The following ANKRD18A variants were observed in gnomAD, a reference collection of about 807,000 sequenced individuals.
The protein encoded by ANKRD18A is ankyrin repeat domain 18A.
A neutral mutation model predicts 110.6 loss-of-function variants in ANKRD18A; 72 were observed. That is an observed-to-expected ratio of 0.65 (90% confidence interval 0.54 to 0.79). The LOEUF (loss-of-function observed/expected upper bound fraction) is 0.79. Among genes scored for constraint, ANKRD18A ranks in the 30% least tolerant of loss-of-function variants. ANKRD18A has a pLI of 0.00. For synonymous variants in ANKRD18A, 305 were observed against 410.3 expected (o/e 0.74, Z 3.10); for missense variants, 934 against 1,163.3 (o/e 0.80, Z 2.87).
chr9:38,584,937 T>C (rs1248275084), intron 12 of ANKRD18A, among the ~76,000 whole-genome samples: 1 of 152,126 alleles, frequency 6.6e-6, no homozygotes, highest in African/African-American at 2.4e-5. Flanking sequence ...TGGTACAGCA[T>C]CACAGAGAGA....
chr9:38,614,392 C>T (rs1013104071), intron 3 of ANKRD18A, among the ~76,000 whole-genome samples: 12 of 152,022 alleles, frequency 7.9e-5, no homozygotes, highest in African/African-American at 2.7e-4. Flanking sequence ...AAGCAATCCT[C>T]CCACCTCAGC....
intron 12 of ANKRD18A, among the ~76,000 whole-genome samples, chr9:38,585,889 C>A (rs532972545): frequency 6.6e-6 from 1 of 152,126 alleles, no homozygotes; most frequent in African/African-American, 2.4e-5. Flanking sequence ...CTGTTATCCT[C>A]AGCACACTAA....
In ANKRD18A at chr9:38,596,186, G is replaced by A. The variant is rs1563966592; in HGVS notation, c.1154C>T (p.Ala385Val). 1.3e-6 allele frequency: 2 copies of A among 1,540,640 alleles called. No individual in the cohort carries two copies. Among genetic ancestry groups the A allele is most frequent in the Non-Finnish European group, 8.8e-7 (1 of 1,142,698 alleles). ...ATCATTAAGCTGTTGCGAATACCGG[G>A]CCACTGTTTTTGTTATCATTTTTTC... ...LNEKMITKTV[A>V]RYSQQLNDLK... is the part of the protein sequence containing the mutation. The change falls in exon 9 of 16, where the codon GCC becomes GTC. Residue 385 changes from alanine to valine, a missense_variant. Transcript: ENST00000399703.
At chr9:38,587,930 A>C (rs943187658) in intron 11 of ANKRD18A, among the ~76,000 whole-genome samples, 1 of 152,154 alleles carries the variant, frequency 6.6e-6, no homozygotes, top group African/African-American at 2.4e-5. Context: ...TCTACTAAAA[A>C]TACAAAAATT....
In ANKRD18A at chr9:38,615,684, G is replaced by A; in HGVS notation, c.405C>T (p.Asn135=). 1 of 1,612,468 alleles carries A rather than the reference G, an allele frequency of 6.2e-7. No individual in the cohort carries two copies. The highest frequency in any genetic ancestry group is 1.7e-5 in the Admixed American group (1 of 59,994). ...ANPNIEDIYG[N]TALHYAVYNK... is the part of the protein sequence containing the mutation. Reference sequence around the variant, plus strand: ...TATACACGGCATAATGGAGAGCAGTGTTGCCGTAGATATCCTCAATGTTTG... The same window carrying A: ...TATACACGGCATAATGGAGAGCAGTATTGCCGTAGATATCCTCAATGTTTG... The change falls in exon 3 of 16, where the codon AAC becomes AAT. Residue 135 remains asparagine (N), a synonymous_variant. Coordinates refer to ENST00000399703, the MANE Select transcript of ANKRD18A (RefSeq NM_147195.4).
chr9:38,601,918 G>A (rs1214313743), intron 7 of ANKRD18A, among the ~76,000 whole-genome samples: 1 of 149,112 alleles, frequency 6.7e-6, no homozygotes, highest in African/African-American at 2.5e-5. Context: ...AGGAGTTTCA[G>A]TTTGCAGTGA....
chr9:38,595,706 C>G lies in ANKRD18A; in HGVS notation c.1634G>C (p.Arg545Thr). ...SIGKQNSLEE[R>T]IRQQELENLL... Reference sequence around the variant, plus strand: ...ATTTTCAAGTTCTTGTTGACGTATTCTCTCCTCTAAAGAGTTCTGCTTTCC... The same window carrying G: ...ATTTTCAAGTTCTTGTTGACGTATTGTCTCCTCTAAAGAGTTCTGCTTTCC... The change falls in exon 9 of 16, where the codon AGA (arginine) becomes ACA (threonine). Residue 545 changes from arginine to threonine, a missense_variant. Around this residue, in one of 4 missense-constraint regions of ANKRD18A, gnomAD observed 630 missense variants for 797.5 expected, o/e 0.79. Coordinates refer to ENST00000399703, the MANE Select transcript of ANKRD18A (RefSeq NM_147195.4). 1 of 1,551,336 alleles carries G rather than the reference C, an allele frequency of 6.4e-7. No individual in the cohort carries two copies. The highest frequency in any genetic ancestry group is 1.4e-5 in the African/African-American group (1 of 73,120).
intron 10 of ANKRD18A, among the ~76,000 whole-genome samples, chr9:38,589,954 T>C (rs1195993684): frequency 6.6e-6 from 1 of 152,224 alleles, no homozygotes. Flanking sequence ...GTACACATAT[T>C]ATAGACAATA....
At chr9:38,576,913 T>C (rs1403039914) in intron 14 of ANKRD18A, 140 bp downstream of exon 14, 3 of 693,562 alleles carry the variant, frequency 4.3e-6, no homozygotes, top group Non-Finnish European at 7.2e-6. Flanking sequence ...GATTATTTAC[T>C]AACATTATTT....
downstream of ANKRD18A, chr9:38,571,076 G>A: frequency 1.3e-6 from 2 of 1,486,882 alleles, no homozygotes; most frequent in South Asian, 1.3e-5. Context: ...ACCACATGAG[G>A]ACTGTCCCCA....
chr9:38,577,785 T>C, intron 13 of ANKRD18A, 82 bp downstream of exon 13: 1 of 1,454,002 alleles, frequency 6.9e-7, no homozygotes, highest in Non-Finnish European at 9.2e-7. Flanking sequence ...GGAAACACAA[T>C]ATATACATAT....
rs615700 is a variant in ANKRD18A, at chr9:38,598,152, C to A, written c.937-1749G>T. Among the ~76,000 whole-genome samples, 1,111 of 152,262 alleles carry A rather than the reference C, an allele frequency of 7.3e-3. 12 individuals carry two copies. The highest frequency in any genetic ancestry group is 0.024 in the African/African-American group (1,014 of 41,552). On this transcript the variant is annotated intron_variant, in intron 8 of 15. Coordinates refer to ENST00000399703, the MANE Select transcript of ANKRD18A (RefSeq NM_147195.4). ...TCAGTCATTGCTTTCCTCCCACTGTCTTACCATTTTATCATTTAAATAAAT... is the reference window on the plus strand; with the variant it reads ...TCAGTCATTGCTTTCCTCCCACTGTATTACCATTTTATCATTTAAATAAAT...
At position 38,571,717 on chromosome 9, in the gene ANKRD18A, T is replaced by C; in HGVS notation, c.*328A>G. On this transcript the variant is annotated 3_prime_UTR_variant, in exon 16 of 16. Coordinates refer to ENST00000399703, the MANE Select transcript of ANKRD18A (RefSeq NM_147195.4). ...TTGGTTGTTTGGCTGTTTAAACAGC[T>C]GACATTCAGGCAATTTGAGTAGGCC... The C allele has an allele frequency of 1.3e-5, 14 of 1,050,300 alleles. No individual in the cohort carries two copies. The highest frequency in any genetic ancestry group is 1.6e-5 in the Non-Finnish European group (14 of 872,544). The allele number at this position is 1,050,300 out of a possible 1,614,324, so 65.1% of individuals were successfully genotyped here.
chr9:38,590,209 T>C (rs573683648), intron 10 of ANKRD18A, among the ~76,000 whole-genome samples: 1 of 151,970 alleles, frequency 6.6e-6, no homozygotes, highest in African/African-American at 2.4e-5. Flanking sequence ...CCTCTCTCTC[T>C]TTCTTCTTTT....
chr9:38,593,827 G>GATGTACCTTCC lies in ANKRD18A; in HGVS notation c.1926_1936dup (p.Ser646TrpfsTer11). 1 of 1,542,890 alleles carries GATGTACCTTCC rather than the reference G, an allele frequency of 6.5e-7. No individual in the cohort carries two copies. The highest frequency in any genetic ancestry group is 1.4e-5 in the African/African-American group (1 of 72,866). On this transcript the variant is annotated frameshift_variant, in exon 10 of 16. Transcript: ENST00000399703. LOFTEE classifies it high-confidence loss of function. ...CTCATTCAAATTAATATGACAATGTGATGTACCTTCCAGTGGAGACTCTGA... is the reference window on the plus strand; with the variant it reads ...CTCATTCAAATTAATATGACAATGTGATGTACCTTCCATGTACCTTCCAGTGGAGACTCTGA...
chr9:38,615,128 T>C (rs1171452502), intron 3 of ANKRD18A, among the ~76,000 whole-genome samples: 2 of 152,238 alleles, frequency 1.3e-5, no homozygotes, highest in Non-Finnish European at 2.9e-5. Flanking sequence ...CCAAGTGACC[T>C]GCATGTTTTT....
At chr9:38,617,509 A>G (rs1825907926) in intron 1 of ANKRD18A, among the ~76,000 whole-genome samples, 1 of 152,212 alleles carries the variant, frequency 6.6e-6, no homozygotes, top group East Asian at 1.9e-4. Flanking sequence ...TGAGATGAAC[A>G]GGTATGGCTC....
At chr9:38,590,187 TTCTC>T (rs1051357780) in intron 10 of ANKRD18A, among the ~76,000 whole-genome samples, 7 of 151,150 alleles carry the variant, frequency 4.6e-5, no homozygotes, top group African/African-American at 1.7e-4. Flanking sequence ...CTCTCTTTCT[TTCTC>T]TCTCTCTCCT....
intron 11 of ANKRD18A, among the ~76,000 whole-genome samples, chr9:38,588,045 G>A (rs1355393400): frequency 5.9e-5 from 9 of 152,126 alleles, no homozygotes; most frequent in East Asian, 3.9e-4. Context: ...CCGAGATCGC[G>A]TCATTGCACT....
Sources: gnomAD v4.1 joint callset for allele counts (sites outside exome capture counted in the v4.1 genomes callset) on GRCh38, gnomAD v4.1.1 for gene constraint, gnomAD v4.1.1 regional missense constraint, MANE v1.5 for transcripts, NCBI Gene and HGNC (gene_info 2026-07-23, HGNC 2026-07-21) for gene names.